Variants in HOXD11 observed in about 807,000 individuals in gnomAD.
HOXD11 encodes the protein homeobox protein Hox-D11.
In HOXD11, 16 loss-of-function variants were observed where a neutral mutation model predicts 23.1. The ratio of observed to expected loss-of-function variants is 0.69; its 90% CI spans 0.47 to 1.05. HOXD11 has a LOEUF of 1.05. HOXD11 is among the 50% of genes least tolerant of loss of function. HOXD11 has a pLI of 0.00. For synonymous variants in HOXD11, 262 were observed against 224.4 expected (o/e 1.17, Z -1.50); for missense variants, 564 against 495.6 (o/e 1.14, Z -1.31).
chr2:176,111,843 A>AAAAAAAAAAAAAAAAAAAC (rs1559115548), downstream of HOXD11, among the ~76,000 whole-genome samples: 2 of 148,096 alleles, frequency 1.4e-5, no homozygotes, highest in African/African-American at 5.1e-5. Flanking sequence ...AAAAAAAAAA[A>AAAAAAAAAAAAAAAAAAAC]AAAAAACCTT....
In HOXD11 at chr2:176,109,292, C is replaced by G; in HGVS notation, c.*150C>G. On this transcript the variant is annotated 3_prime_UTR_variant, in exon 2 of 2. Coordinates refer to ENST00000249504, the MANE Select transcript of HOXD11 (RefSeq NM_021192.3). ...TTCCCACGGTCAACTCGGGACCTCC[C>G]AGCGACCACTGCAGCCTGCGGACGA... 1 of 630,570 alleles carries G rather than the reference C, an allele frequency of 1.6e-6. No homozygotes were observed. 39.1% of individuals were successfully genotyped at this position (630,570 alleles called of 1,614,324 possible). A position where few individuals can be genotyped will look rare whatever the true frequency, so the allele number is the denominator to read the frequency against.
At position 176,109,106 on chromosome 2, in the gene HOXD11, C is replaced by A; in HGVS notation, c.981C>A (p.Asp327Glu). The A allele has an allele frequency of 8.1e-6, 13 of 1,613,908 alleles. No homozygotes were observed. Among genetic ancestry groups the A allele is most frequent in the South Asian group, 1.1e-5 (1 of 91,074 alleles). The change falls in exon 2 of 2, where the codon GAC becomes GAA. Residue 327 changes from aspartate (D) to glutamate (E), a missense_variant. Coordinates refer to ENST00000249504, the MANE Select transcript of HOXD11 (RefSeq NM_021192.3). Reference protein sequence around the residue: ...RRMKEKKLNRDRLQYFTGNPL... With the variant: ...RRMKEKKLNRERLQYFTGNPL... ...TGAAAGAAAAGAAACTGAACAGAGA[C>A]CGTCTGCAGTATTTCACTGGAAACC...
chr2:176,112,501 C>T (rs1204414552), downstream of HOXD11, among the ~76,000 whole-genome samples: 1 of 152,256 alleles, frequency 6.6e-6, no homozygotes, highest in Non-Finnish European at 1.5e-5. Flanking sequence ...CCGCTTGCCC[C>T]TCTCCCGGAG....
chr2:176,113,735 A>G (rs1386419500), downstream of HOXD11, among the ~76,000 whole-genome samples: 2 of 152,206 alleles, frequency 1.3e-5, no homozygotes, highest in African/African-American at 4.8e-5. Context: ...GAAAGCAGAA[A>G]TTTTAAAGAT....
downstream of HOXD11, among the ~76,000 whole-genome samples, chr2:176,110,644 C>T (rs1689660649): frequency 6.6e-6 from 1 of 152,168 alleles, no homozygotes; most frequent in African/African-American, 2.4e-5. Flanking sequence ...TCACCTTTAA[C>T]CTTTCTGAAT....
rs199668165 is a variant in HOXD11 at position 176,109,068 on chromosome 2, C to T, written c.943C>T (p.Gln315Ter). 1 of 1,614,188 alleles carries T rather than the reference C, an allele frequency of 6.2e-7. No homozygotes were observed. Among genetic ancestry groups the T allele is most frequent in the Non-Finnish European group, 8.5e-7 (1 of 1,179,996 alleles). Residue 315 changes from glutamine to a stop codon, truncating the protein, a stop_gained, in exon 2 of 2, where the codon CAG (glutamine) becomes TAG (stop). Coordinates refer to ENST00000249504, the MANE Select transcript of HOXD11 (RefSeq NM_021192.3). LOFTEE classifies it high-confidence loss of function. ...TGACCGGCAAGTCAAAATCTGGTTC[C>T]AGAATCGCAGGATGAAAGAAAAGAA... ...LTDRQVKIWF[Q>*]NRRMKEKKLN...
rs1160281648 is a variant in HOXD11, at chr2:176,107,817, G to A, written c.462G>A (p.Pro154=). The change falls in exon 1 of 2, where the codon CCG becomes CCA. Residue 154 remains proline, a synonymous_variant. Transcript: ENST00000249504. ...PEPVCAAPGP[P]HGPAGAASNF... Reference sequence around the variant, plus strand: ...CGGTGTGCGCTGCGCCGGGGCCGCCGCACGGCCCCGCGGGCGCCGCCTCCA... The same window carrying A: ...CGGTGTGCGCTGCGCCGGGGCCGCCACACGGCCCCGCGGGCGCCGCCTCCA... 4 of 1,406,256 alleles carry A rather than the reference G, an allele frequency of 2.8e-6. No homozygotes were observed. The highest frequency in any genetic ancestry group is 2.9e-5 in the Admixed American group (1 of 33,976). 87.1% of individuals were successfully genotyped at this position (1,406,256 alleles called of 1,614,324 possible). A position where few individuals can be genotyped will look rare whatever the true frequency, so the allele number is the denominator to read the frequency against.
rs201268571 is a variant in HOXD11 at position 176,109,155 on chromosome 2, G to A, written c.*13G>A. The A allele has an allele frequency of 7.2e-5, 111 of 1,548,648 alleles. 1 individual carries two copies. The East Asian group carries it at 1.8e-3, about 25-fold the overall frequency. On this transcript the variant is annotated 3_prime_UTR_variant, in exon 2 of 2. Coordinates refer to ENST00000249504, the MANE Select transcript of HOXD11 (RefSeq NM_021192.3). ...CCCCTTATTTTGAGAGCTCCAGGAA[G>A]CGCCCTCACCCCAGCCCCACTCACC... is the stretch of plus-strand genomic sequence containing the variant.
chr2:176,111,840 A>AAAAAAAAAAAAAAAAAAAAC (rs1553518459), downstream of HOXD11, among the ~76,000 whole-genome samples: 27 of 140,856 alleles, frequency 1.9e-4, 1 homozygote, highest in Non-Finnish European at 3.8e-4. Flanking sequence ...AAAAAAAAAA[A>AAAAAAAAAAAAAAAAAAAAC]AAAAAAAAAC....
rs149509317 is a variant in HOXD11 at position 176,107,440 on chromosome 2, G to T, written c.85G>T (p.Ala29Ser). ...CAYYVAPSDF[A>S]SKPSFLSQPS... is the part of the protein sequence containing the mutation. ...CTACTATGTGGCCCCGTCTGACTTCGCTAGCAAGCCTTCGTTCCTTTCCCA... is the reference window on the plus strand; with the variant it reads ...CTACTATGTGGCCCCGTCTGACTTCTCTAGCAAGCCTTCGTTCCTTTCCCA... The change falls in exon 1 of 2, where the codon GCT (alanine) becomes TCT (serine). Residue 29 changes from alanine (A) to serine (S), a missense_variant. Coordinates refer to ENST00000249504, the MANE Select transcript of HOXD11 (RefSeq NM_021192.3). 1,909 of 1,613,966 alleles carry T rather than the reference G, an allele frequency of 1.2e-3. 19 individuals are homozygous for T. The South Asian group carries it at 0.014, about 11-fold the overall frequency.
At chr2:176,111,810 A>G (rs1426362267), downstream of HOXD11, among the ~76,000 whole-genome samples, 1 of 101,162 alleles carries the variant, frequency 9.9e-6, no homozygotes, top group Non-Finnish European at 1.9e-5. Context: ...CCTACTTAAC[A>G]TCCCCCTCCC....
Position 176,107,654 on chromosome 2 carries a change from C to G in HOXD11, c.299C>G (p.Ala100Gly). The change falls in exon 1 of 2, where the codon GCG (alanine) becomes GGG (glycine). Residue 100 changes from alanine to glycine, a missense_variant. By Grantham distance (60) the Ala-to-Gly change is moderately conservative. Coordinates refer to ENST00000249504, the MANE Select transcript of HOXD11 (RefSeq NM_021192.3). The stretch of plus-strand genomic sequence containing the variant: ...GGCCCCGGCGGGGGCGGCGGCGGCG[C>G]GGGGGGCTACGCTCCCTACTACGCG... The part of the protein sequence containing the change: ...GGGPGGGGGG[A>G]GGYAPYYAAA... The G allele has an allele frequency of 3.1e-6, 3 of 975,216 alleles. No individual in the cohort carries two copies. The highest frequency in any genetic ancestry group is 3.6e-6 in the Non-Finnish European group (3 of 822,798). 60.4% of individuals were successfully genotyped at this position (975,216 alleles called of 1,614,324 possible).
chr2:176,111,241 T>C (rs546178794), downstream of HOXD11: 9 of 152,306 alleles, frequency 5.9e-5, no homozygotes, highest in South Asian at 2.1e-4. Context: ...AGTGCCCTAA[T>C]AGTGTGATCG....
chr2:176,108,826 C>T, intron 1 of HOXD11, 81 bp from the exon 2 acceptor site: 3 of 953,612 alleles, frequency 3.1e-6, no homozygotes, highest in Non-Finnish European at 4.7e-6. Context: ...GCCTGGCCCT[C>T]GCTCAGTGGC....
downstream of HOXD11, among the ~76,000 whole-genome samples, chr2:176,112,305 G>T (rs561606962): frequency 1.2e-4 from 19 of 152,330 alleles, no homozygotes; most frequent in African/African-American, 4.6e-4. Context: ...CTGACCTTGG[G>T]GAGGGCCTGT....
chr2:176,107,829 G>T lies in HOXD11; in HGVS notation c.474G>T (p.Ala158=). ...CAAPGPPHGP[A]GAASNFYSAV... ...CGCCGGGGCCGCCGCACGGCCCCGCGGGCGCCGCCTCCAACTTCTACAGCG... is the reference window on the plus strand; with the variant it reads ...CGCCGGGGCCGCCGCACGGCCCCGCTGGCGCCGCCTCCAACTTCTACAGCG... The change falls in exon 1 of 2, where the codon GCG becomes GCT. Residue 158 remains alanine (A), a synonymous_variant. Transcript: ENST00000249504. The T allele has an allele frequency of 7.0e-7, 1 of 1,427,048 alleles. No homozygotes were observed. Among genetic ancestry groups the T allele is most frequent in the South Asian group, 1.4e-5 (1 of 72,102 alleles). The allele number at this position is 1,427,048 out of a possible 1,614,324, so 88.4% of individuals were successfully genotyped here. A position where few individuals can be genotyped will look rare whatever the true frequency, so the allele number is the denominator to read the frequency against.
At chr2:176,108,589 T>A (rs1330178286) in intron 1 of HOXD11, among the ~76,000 whole-genome samples, 2 of 152,046 alleles carry the variant, frequency 1.3e-5, no homozygotes, top group African/African-American at 4.8e-5. Context: ...GGCCTGCTCT[T>A]GTCTCTGTTC....
rs982481186 is a variant in HOXD11 at position 176,109,184 on chromosome 2, C to G, written c.*42C>G. On this transcript the variant is annotated 3_prime_UTR_variant, in exon 2 of 2. Coordinates refer to ENST00000249504, the MANE Select transcript of HOXD11 (RefSeq NM_021192.3). ...CCTCACCCCAGCCCCACTCACCCAC[C>G]CTCCTTCCCACCAGCCTGCTCTCCG... 8.2e-7 allele frequency: 1 copy of G among 1,217,366 alleles called. No homozygotes were observed. The allele number at this position is 1,217,366 out of a possible 1,614,324, so 75.4% of individuals were successfully genotyped here. A position where few individuals can be genotyped will look rare whatever the true frequency, so the allele number is the denominator to read the frequency against.
downstream of HOXD11, among the ~76,000 whole-genome samples, chr2:176,110,463 C>T (rs569748696): frequency 5.9e-5 from 9 of 152,294 alleles, no homozygotes; most frequent in East Asian, 1.7e-3. Flanking sequence ...GAGTCTTAAC[C>T]TCTCCTAAGC....
Sources: gnomAD v4.1 joint callset for allele counts (sites outside exome capture counted in the v4.1 genomes callset) on GRCh38, gnomAD v4.1.1 for gene constraint, MANE v1.5 for transcripts, NCBI Gene and HGNC (gene_info 2026-07-23, HGNC 2026-07-21) for gene names.